The following LGI4 variants were observed in gnomAD, a reference collection of about 807,000 sequenced individuals.
LGI4 encodes the protein leucine-rich repeat LGI family member 4.
A neutral mutation model predicts 48.3 loss-of-function variants in LGI4; 36 were observed. That is an observed-to-expected ratio of 0.75 (90% CI 0.57 to 0.98). The LOEUF (loss-of-function observed/expected upper bound fraction) is 0.98. Ranked by LOEUF, LGI4 falls within the 50% of genes least tolerant of loss-of-function variation. LGI4 has a pLI of 0.00. For synonymous variants in LGI4, 355 were observed against 331.6 expected (o/e 1.07, Z -0.77); for missense variants, 701 against 732.1 (o/e 0.96, Z 0.49).
At position 35,133,712 on chromosome 19, in the gene LGI4, G is replaced by C; in HGVS notation, c.295C>G (p.Leu99Val). Residue 99 changes from leucine to valine, a missense_variant, in exon 3 of 9, where the codon CTG becomes GTG. Physicochemically the swap from Leu to Val is conservative, Grantham distance 32 (BLOSUM62 1). Coordinates refer to ENST00000310123, the MANE Select transcript of LGI4 (RefSeq NM_139284.3). ...ACTCACAGGTACTGCAGGTGGGACAGGCCCGCAAATGCATCGTCCTCAATC... is the reference window on the plus strand; with the variant it reads ...ACTCACAGGTACTGCAGGTGGGACACGCCCGCAAATGCATCGTCCTCAATC... ...SVIEDDAFAG[L>V]SHLQYLFIED... 6.2e-7 allele frequency: 1 copy of C among 1,607,598 alleles called. No homozygotes were observed. Among genetic ancestry groups the C allele is most frequent in the Non-Finnish European group, 8.5e-7 (1 of 1,177,524 alleles).
chr19:35,129,300 C>T (rs1398938390), intron 6 of LGI4, among the ~76,000 whole-genome samples: 2 of 151,404 alleles, frequency 1.3e-5, no homozygotes, highest in Non-Finnish European at 2.9e-5. Context: ...TAATTATATG[C>T]TGATAATAAT....
At chr19:35,133,485 C>T (rs1056588230) in intron 3 of LGI4, 9 of 1,408,694 alleles carry the variant, frequency 6.4e-6, no homozygotes, top group African/African-American at 5.8e-5. Context: ...CACTGATAAA[C>T]ATCATTGACA....
At position 35,134,122 on chromosome 19, in the gene LGI4, G is replaced by C. The variant is rs1375865145; in HGVS notation, c.171-18C>G. On this transcript the variant is annotated intron_variant, in intron 1 of 8. Transcript: ENST00000310123. ...CGAGTGAGCTGGGGATGTGGGCAGT[G>C]GTAGGTGAGAGGGACACCACAGCAA... 2 of 1,557,750 alleles carry C rather than the reference G, an allele frequency of 1.3e-6. No individual in the cohort carries two copies. Among genetic ancestry groups the C allele is most frequent in the Non-Finnish European group, 8.7e-7 (1 of 1,150,282 alleles).
rs1274075778 is a variant in LGI4 at position 35,126,984 on chromosome 19, G to GCCGACTCCC, written c.653_661dup (p.Gly218_Ser220dup). The GCCGACTCCC allele has an allele frequency of 1.9e-6, 3 of 1,606,528 alleles. No individual in the cohort carries two copies. In the East Asian group the frequency reaches 6.7e-5, roughly 36 times the overall value. ...GTAGGAGAAGGGCTCTACGCTCAGT[G>GCCGACTCCC]CCGACTCCCCCACCGTCTGGAACCA... On this transcript the variant is annotated inframe_insertion, in exon 7 of 9. Transcript: ENST00000310123.
At chr19:35,128,081 C>T (rs115899567) in intron 6 of LGI4, among the ~76,000 whole-genome samples, 61 of 152,378 alleles carry the variant, frequency 4.0e-4, no homozygotes, top group African/African-American at 1.3e-3. Flanking sequence ...TTTCCCACCA[C>T]GTGGGTGTGC....
Position 35,134,001 on chromosome 19 carries a change from G to A in LGI4, c.242+32C>T, listed in dbSNP as rs1207554477. 5 of 1,548,264 alleles carry A rather than the reference G, an allele frequency of 3.2e-6. No homozygotes were observed. In the South Asian group the frequency reaches 4.8e-5, roughly 15 times the overall value. On this transcript the variant is annotated intron_variant, in intron 2 of 8. Transcript: ENST00000310123. ...TGTGCATAAACGCACACTCCCTTGA[G>A]CTGGTTGTCGGCCCAGCCAGGCCCC...
At position 35,126,462 on chromosome 19, in the gene LGI4, G is replaced by C; in HGVS notation, c.1107C>G (p.Ala369=). 6.3e-7 allele frequency: 1 copy of C among 1,581,450 alleles called. No individual in the cohort carries two copies. The highest frequency in any genetic ancestry group is 8.6e-7 in the Non-Finnish European group (1 of 1,167,200). ...GGTGGGGCCGGCCGTCCAGCTCCAG[G>C]GCCTCAGCGTCCGTGTCCCGGTGCC... The part of the protein sequence containing the change: ...HAWHRDTDAE[A]LELDGRPHLL... The change falls in exon 8 of 9, where the codon GCC becomes GCG. Residue 369 remains alanine, a synonymous_variant. Coordinates refer to ENST00000310123, the MANE Select transcript of LGI4 (RefSeq NM_139284.3).
At position 35,126,632 on chromosome 19, in the gene LGI4, G is replaced by A. The variant is rs1430773548; in HGVS notation, c.937C>T (p.Arg313Trp). The change falls in exon 8 of 9, where the codon CGG becomes TGG. Residue 313 changes from arginine (R) to tryptophan (W), a missense_variant. This residue lies in a region of LGI4 where 462 missense variants were observed against 436.4 expected (regional missense o/e 1.06). Coordinates refer to ENST00000310123, the MANE Select transcript of LGI4 (RefSeq NM_139284.3). Reference sequence around the variant, plus strand: ...TCGGCGTCATTGGGCCGCAGCAGCCGCCGCGGGGCCAGGGTCTGCGTTGGG... The same window carrying A: ...TCGGCGTCATTGGGCCGCAGCAGCCACCGCGGGGCCAGGGTCTGCGTTGGG... ...LAPTQTLAPR[R>W]LLRPNDAELL... 2 of 1,539,922 alleles carry A rather than the reference G, an allele frequency of 1.3e-6. No individual in the cohort carries two copies. The highest frequency in any genetic ancestry group is 2.4e-5 in the East Asian group (1 of 41,728).
chr19:35,131,423 G>A lies in LGI4; in HGVS notation c.591C>T (p.His197=). Residue 197 remains histidine (H), a synonymous_variant, in exon 6 of 9, where the codon CAC becomes CAT. Coordinates refer to ENST00000310123, the MANE Select transcript of LGI4 (RefSeq NM_139284.3). The stretch of plus-strand genomic sequence containing the variant: ...ACTTGAAAGTCTTGGGGTCGAGGTG[G>A]TGGAGCTGCATGTGGCTCAGGGAGG... ...GPASLSHMQL[H]HLDPKTFKCR... is the part of the protein sequence containing the mutation. 6.4e-7 allele frequency: 1 copy of A among 1,552,484 alleles called. No homozygotes were observed. The highest frequency in any genetic ancestry group is 8.7e-7 in the Non-Finnish European group (1 of 1,147,238).
rs1004161484 is a variant in LGI4 at position 35,133,247 on chromosome 19, C to T, written c.314+446G>A. The T allele has an allele frequency of 2.4e-5, 17 of 701,914 alleles. No homozygotes were observed. The African/African-American group carries it at 3.1e-4, about 13-fold the overall frequency. The allele number at this position is 701,914 out of a possible 1,614,324, so 43.5% of individuals were successfully genotyped here. ...CATTGTCATGCTGTGACTGCCACCG[C>T]TGCCACCATCACCACCACTACCCAA... On this transcript the variant is annotated intron_variant, in intron 3 of 8. Coordinates refer to ENST00000310123, the MANE Select transcript of LGI4 (RefSeq NM_139284.3).
rs1159837334 is a variant in LGI4, at chr19:35,131,788, C to G, written c.458+1G>C. The stretch of plus-strand genomic sequence containing the variant: ...ACATTCCCAGCCCCCATGAGCCTCA[C>G]ACATGAGTAAGGGTGTCCAGGCCTC... On this transcript the variant is annotated splice_donor_variant, in intron 5 of 8. Transcript: ENST00000310123. LOFTEE classifies it high-confidence loss of function. 1 of 1,555,330 alleles carries G rather than the reference C, an allele frequency of 6.4e-7. No homozygotes were observed. The highest frequency in any genetic ancestry group is 1.9e-5 in the Admixed American group (1 of 52,030).
At chr19:35,133,396 G>A (rs1016365409) in intron 3 of LGI4, 1 of 1,247,414 alleles carries the variant, frequency 8.0e-7, no homozygotes, top group African/African-American at 1.5e-5. Context: ...GTTTCTATGA[G>A]TCAGGGAGAG....
intron 8 of LGI4, 135 bp downstream of exon 8, chr19:35,126,135 A>C (rs2065133757): frequency 2.1e-6 from 2 of 960,140 alleles, no homozygotes; most frequent in East Asian, 2.6e-5. Flanking sequence ...AGGGGGTCAG[A>C]GTCTTGGCAT....
At chr19:35,126,099 G>A in intron 8 of LGI4, 171 bp downstream of exon 8, 1 of 669,056 alleles carries the variant, frequency 1.5e-6, no homozygotes. Context: ...GGGGACTGGG[G>A]AGTGGTTCGG....
chr19:35,133,521 C>G (rs2065189028), intron 3 of LGI4, 172 bp downstream of exon 3: 1 of 1,443,954 alleles, frequency 6.9e-7, no homozygotes, highest in Non-Finnish European at 9.1e-7. Context: ...TCATCAGTAT[C>G]ACCCAAAGCA....
rs973327336 is a variant in LGI4 at position 35,125,060 on chromosome 19, G to T, written c.*133C>A. The T allele has an allele frequency of 2.8e-6, 2 of 713,288 alleles. No homozygotes were observed. Among genetic ancestry groups the T allele is most frequent in the Non-Finnish European group, 4.4e-6 (2 of 454,414 alleles). The allele number at this position is 713,288 out of a possible 1,614,324, so 44.2% of individuals were successfully genotyped here. A position where few individuals can be genotyped will look rare whatever the true frequency, so the allele number is the denominator to read the frequency against. ...AGATCCTTTAAGAAGTGGGCTTAAG[G>T]CCTAGACGTGTGGCTGATGAACGTG... On this transcript the variant is annotated 3_prime_UTR_variant, in exon 9 of 9. Transcript: ENST00000310123.
Position 35,126,788 on chromosome 19 carries a change from G to C in LGI4, c.794-13C>G. The C allele has an allele frequency of 1.3e-6, 2 of 1,568,696 alleles. No homozygotes were observed. The highest frequency in any genetic ancestry group is 4.7e-5 in the East Asian group (2 of 42,588). Reference sequence around the variant, plus strand: ...ACCACGGAGGCCGCTGTGGGGAGGTGGGGAGGCAGGTCAGGCCAGCCAGGC... The same window carrying C: ...ACCACGGAGGCCGCTGTGGGGAGGTCGGGAGGCAGGTCAGGCCAGCCAGGC... On this transcript the variant is annotated splice_polypyrimidine_tract_variant and intron_variant, in intron 7 of 8. Transcript: ENST00000310123.
chr19:35,125,423 C>T lies in LGI4; in HGVS notation c.1384G>A (p.Ala462Thr), dbSNP rs762429147. The change falls in exon 9 of 9, where the codon GCC becomes ACC. Residue 462 changes from alanine to threonine, a missense_variant. By Grantham distance (58) the Ala-to-Thr change is moderately conservative. This residue lies in a region of LGI4 where 223 missense variants were observed against 263.3 expected (regional missense o/e 0.85). Transcript: ENST00000310123. ...GAHVFQPLLI[A>T]RDQLAILGSD... is the part of the protein sequence containing the mutation. ...CCTAGGATGGCCAGCTGGTCCCTGG[C>T]GATGAGCAGTGGCTGGAAGACGTGG... The T allele has an allele frequency of 3.7e-6, 6 of 1,609,366 alleles. No individual in the cohort carries two copies. The highest frequency in any genetic ancestry group is 1.3e-5 in the African/African-American group (1 of 74,988).
chr19:35,132,335 T>C (rs1178907507), intron 3 of LGI4, among the ~76,000 whole-genome samples: 1 of 152,092 alleles, frequency 6.6e-6, no homozygotes, highest in Non-Finnish European at 1.5e-5. Flanking sequence ...GCATCATTGG[T>C]AATGACCAAC....
Sources: gnomAD v4.1 joint callset for allele counts (sites outside exome capture counted in the v4.1 genomes callset) on GRCh38, gnomAD v4.1.1 for gene constraint, gnomAD v4.1.1 regional missense constraint, MANE v1.5 for transcripts, NCBI Gene and HGNC (gene_info 2026-07-23, HGNC 2026-07-21) for gene names.